The following AKAP6 variants were observed in gnomAD, a reference collection of about 807,000 sequenced individuals.
AKAP6 encodes A-kinase anchor protein 6.
Under a neutral mutation model 188.5 loss-of-function variants are expected in AKAP6, and 58 were observed. The ratio of observed to expected loss-of-function variants is 0.31; its 90% confidence interval spans 0.25 to 0.38. AKAP6 has a LOEUF of 0.38. Among genes scored for constraint, AKAP6 ranks in the 10% least tolerant of loss-of-function variants. The probability of loss-of-function intolerance (pLI) is 1.00; values close to 1 mark genes in which losing one functional copy is unlikely to be tolerated. For missense variants in AKAP6, 2,710 were observed against 2,740.0 expected (o/e 0.99, Z 0.24); for synonymous variants, 989 against 998.6 (o/e 0.99, Z 0.18).
rs143027021 is a variant in AKAP6, at chr14:32,386,097, C to T, written c.-34-47363C>T. 8.2e-3 allele frequency among the ~76,000 whole-genome samples: 1,247 copies of T among 151,514 alleles called. 14 individuals are homozygous for T. Among genetic ancestry groups the T allele is most frequent in the Non-Finnish European group, 0.013 (894 of 67,842 alleles). The stretch of plus-strand genomic sequence containing the variant: ...GCAAAGTATCATTTTCATATAAAGA[C>T]TTCTTTTCCTCTGGGTAGATACCCA... On this transcript the variant is annotated intron_variant, in intron 1 of 13. Coordinates refer to ENST00000280979, the MANE Select transcript of AKAP6 (RefSeq NM_004274.5).
chr14:32,762,921 C>T (rs1397444940), intron 11 of AKAP6, among the ~76,000 whole-genome samples: 1 of 152,028 alleles, frequency 6.6e-6, no homozygotes, highest in Non-Finnish European at 1.5e-5. Flanking sequence ...CTTTAGACCT[C>T]ACTTATTTGT....
chr14:32,556,125 T>C (rs1488474784), intron 4 of AKAP6, among the ~76,000 whole-genome samples: 4 of 152,256 alleles, frequency 2.6e-5, no homozygotes, highest in South Asian at 4.2e-4. Context: ...TTCTAGGTTT[T>C]TTTAAACAAA....
At chr14:32,703,221 G>A (rs1890687346) in intron 9 of AKAP6, among the ~76,000 whole-genome samples, 1 of 151,976 alleles carries the variant, frequency 6.6e-6, no homozygotes. Context: ...GAGAGTGAGG[G>A]GAGAGAAAGG....
chr14:32,585,127 A>C (rs1885175199), intron 5 of AKAP6, among the ~76,000 whole-genome samples: 2 of 151,278 alleles, frequency 1.3e-5, no homozygotes, highest in Non-Finnish European at 2.9e-5. Context: ...TAGAGATTTT[A>C]TTTCATATCC....
chr14:32,672,326 A>G (rs987045078), intron 7 of AKAP6, among the ~76,000 whole-genome samples: 2 of 152,240 alleles, frequency 1.3e-5, no homozygotes, highest in Admixed American at 6.5e-5. Context: ...CATTTCTAAC[A>G]TGATTAGGCT....
At chr14:32,517,846 G>C (rs1173442150) in intron 2 of AKAP6, among the ~76,000 whole-genome samples, 1 of 152,240 alleles carries the variant, frequency 6.6e-6, no homozygotes, top group African/African-American at 2.4e-5. Flanking sequence ...GAAGAGAGCA[G>C]TGGTTCTCCT....
chr14:32,371,455 G>T lies in AKAP6; in HGVS notation c.-35+42047G>T, dbSNP rs1308842310. Among the ~76,000 whole-genome samples the T allele has an allele frequency of 4.6e-5, 7 of 152,126 alleles. No individual in the cohort carries two copies. The East Asian group carries it at 1.3e-3, about 29-fold the overall frequency. Reference sequence around the variant, plus strand: ...AACAAAACAAAACCAAAAACCAAAAGAATTAGCTGGGCGTGGGGGTGCTCA... The same window carrying T: ...AACAAAACAAAACCAAAAACCAAAATAATTAGCTGGGCGTGGGGGTGCTCA... On this transcript the variant is annotated intron_variant, in intron 1 of 13. Transcript: ENST00000280979.
At chr14:32,571,547 TA>T (rs1180686471) in intron 4 of AKAP6, among the ~76,000 whole-genome samples, 4 of 152,050 alleles carry the variant, frequency 2.6e-5, no homozygotes, top group Non-Finnish European at 4.4e-5. Context: ...AATGAATAAA[TA>T]AATACATAAA....
chr14:32,421,703 A>C (rs1889856208), intron 1 of AKAP6, among the ~76,000 whole-genome samples: 1 of 152,156 alleles, frequency 6.6e-6, no homozygotes, highest in African/African-American at 2.4e-5. Flanking sequence ...TAGGAGTAAA[A>C]GACTAGAAAG....
intron 1 of AKAP6, among the ~76,000 whole-genome samples, chr14:32,395,879 C>T (rs1212244038): frequency 6.6e-6 from 1 of 152,146 alleles, no homozygotes; most frequent in Non-Finnish European, 1.5e-5. Flanking sequence ...CCTACTACTC[C>T]ATGAGTCCTA....
intron 7 of AKAP6, among the ~76,000 whole-genome samples, chr14:32,646,422 T>C (rs1173942842): frequency 1.3e-5 from 2 of 152,086 alleles, no homozygotes; most frequent in Admixed American, 6.6e-5. Flanking sequence ...TAAGCAACTG[T>C]GTAGTAACAA....
chr14:32,390,851 G>A (rs59965030), intron 1 of AKAP6, among the ~76,000 whole-genome samples: 9,185 of 152,066 alleles, frequency 0.06, 537 homozygotes, highest in East Asian at 0.19. Flanking sequence ...AAAAATTCAC[G>A]ACGCAAGCCT....
intron 7 of AKAP6, among the ~76,000 whole-genome samples, chr14:32,622,715 T>C (rs552120899): frequency 1.2e-4 from 19 of 152,276 alleles, no homozygotes; most frequent in Admixed American, 1.1e-3. Context: ...GTCTGACTTC[T>C]TGTTCTCATG....
At chr14:32,659,413 A>T (rs570427443) in intron 7 of AKAP6, among the ~76,000 whole-genome samples, 17 of 152,256 alleles carry the variant, frequency 1.1e-4, no homozygotes, top group African/African-American at 4.1e-4. Context: ...CCTTGTGACC[A>T]TAAGCACAAA....
intron 7 of AKAP6, among the ~76,000 whole-genome samples, chr14:32,641,358 CTGGG>C (rs2139491738): frequency 6.6e-6 from 1 of 151,356 alleles, no homozygotes; most frequent in South Asian, 2.1e-4. Context: ...AAAATTTTGA[CTGGG>C]TGTGGTGGCT....
chr14:32,828,506 ATCTCTC>A (rs3032470), intron 13 of AKAP6, among the ~76,000 whole-genome samples: 12 of 141,290 alleles, frequency 8.5e-5, no homozygotes, highest in African/African-American at 2.4e-4. Context: ...CCTATCATCT[ATCTCTC>A]TCTCTCTCTC....
intron 12 of AKAP6, among the ~76,000 whole-genome samples, chr14:32,821,156 A>G (rs1015882779): frequency 3.9e-5 from 6 of 152,252 alleles, no homozygotes; most frequent in Non-Finnish European, 5.9e-5. Flanking sequence ...CAATTTGACA[A>G]TAATAATCTT....
At chr14:32,553,167 CTT>C (rs397798236) in intron 4 of AKAP6, among the ~76,000 whole-genome samples, 7 of 132,662 alleles carry the variant, frequency 5.3e-5, no homozygotes, top group Admixed American at 7.4e-5. Flanking sequence ...TTTTTCTTTT[CTT>C]TTTTTTTTTT....
At chr14:32,659,831 TTGACTC>T (rs1477911000) in intron 7 of AKAP6, among the ~76,000 whole-genome samples, 4 of 152,130 alleles carry the variant, frequency 2.6e-5, no homozygotes, top group African/African-American at 4.8e-5. Context: ...TTGGCAGACT[TTGACTC>T]TGATAACTTA....
Sources: gnomAD v4.1 joint callset for allele counts (sites outside exome capture counted in the v4.1 genomes callset) on GRCh38, gnomAD v4.1.1 for gene constraint, MANE v1.5 for transcripts, NCBI Gene and HGNC (gene_info 2026-07-23, HGNC 2026-07-21) for gene names.